Variants in MYO1B observed in about 807,000 individuals in gnomAD.
The protein encoded by MYO1B is myosin IB, also known as unconventional myosin-Ib.
In MYO1B, 72 loss-of-function variants were observed where a neutral mutation model predicts 159.7. The observed-to-expected ratio is 0.45, with a 90% CI of 0.37 to 0.55. The LOEUF is 0.55. MYO1B is among the 20% of genes least tolerant of loss of function. The pLI, the probability that MYO1B is intolerant of heterozygous loss-of-function variation, is 0.00. For synonymous variants in MYO1B, 468 were observed against 473.8 expected (o/e 0.99, Z 0.16); for missense variants, 1,062 against 1,364.8 (o/e 0.78, Z 3.50).
intron 3 of MYO1B, among the ~76,000 whole-genome samples, chr2:191,317,053 G>C (rs1332529702): frequency 1.3e-5 from 2 of 152,158 alleles, no homozygotes; most frequent in Non-Finnish European, 2.9e-5. Flanking sequence ...GGACGTATTT[G>C]ATTTGCGGAG....
In MYO1B at chr2:191,423,954, C is replaced by T. The variant is rs747405895; in HGVS notation, c.3405C>T (p.Val1135=). The part of the protein sequence containing the change: ...RKNNRLLEVA[V]P ...ACAACCGTCTCCTTGAAGTTGCTGT[C>T]CCTTAACTGGCGCCTCCTCTCTACT... The change falls in exon 31 of 31, where the codon GTC becomes GTT. Residue 1135 remains valine (V), a synonymous_variant. Transcript: ENST00000392318. 6.2e-7 allele frequency: 1 copy of T among 1,613,046 alleles called. No individual in the cohort carries two copies.
chr2:191,283,619 A>G (rs933695651), intron 2 of MYO1B, among the ~76,000 whole-genome samples: 26 of 152,232 alleles, frequency 1.7e-4, no homozygotes, highest in Non-Finnish European at 8.8e-5. Flanking sequence ...TTCATTTTAC[A>G]TATGAAGAAA....
intron 19 of MYO1B, among the ~76,000 whole-genome samples, 160 bp downstream of exon 19, chr2:191,392,361 AG>A (rs2126104980): frequency 6.6e-6 from 1 of 152,338 alleles, no homozygotes. Flanking sequence ...GGGACAGATA[AG>A]GGTAAGGGGC....
chr2:191,291,834 T>C (rs908988403), intron 2 of MYO1B, among the ~76,000 whole-genome samples: 1 of 152,234 alleles, frequency 6.6e-6, no homozygotes, highest in African/African-American at 2.4e-5. Context: ...GAAAAGGAGA[T>C]TTAATCTGGT....
At chr2:191,382,954 G>A (rs947461100) in intron 14 of MYO1B, among the ~76,000 whole-genome samples, 3 of 152,170 alleles carry the variant, frequency 2.0e-5, no homozygotes, top group Admixed American at 6.5e-5. Context: ...CATACACAAC[G>A]TAATATTGAC....
chr2:191,374,949 A>G (rs946547136), intron 13 of MYO1B, among the ~76,000 whole-genome samples: 2 of 152,260 alleles, frequency 1.3e-5, no homozygotes, highest in Non-Finnish European at 1.5e-5. Flanking sequence ...AAGTTGAACA[A>G]TCTACATTGA....
At position 191,341,390 on chromosome 2, in the gene MYO1B, A is replaced by G. The variant is rs560204563; in HGVS notation, c.347-71A>G. 432 of 1,323,696 alleles carry G rather than the reference A, an allele frequency of 3.3e-4. 1 individual carries two copies. The highest frequency in any genetic ancestry group is 1.3e-4 in the Non-Finnish European group (119 of 932,728). 82.0% of individuals were successfully genotyped at this position (1,323,696 alleles called of 1,614,324 possible). ...ATGCCGTTAGTGGGTCTTCTCCCAC[A>G]TTTCCTCCTCCCCAAAAAGATTTTT... On this transcript the variant is annotated intron_variant, in intron 4 of 30. Coordinates refer to ENST00000392318, the MANE Select transcript of MYO1B (RefSeq NM_001130158.3).
At chr2:191,367,408 C>T (rs1339360548) in intron 11 of MYO1B, among the ~76,000 whole-genome samples, 1 of 152,126 alleles carries the variant, frequency 6.6e-6, no homozygotes, top group Non-Finnish European at 1.5e-5. Flanking sequence ...ATTTGAGTGC[C>T]TTTAGCCTGG....
At position 191,383,287 on chromosome 2, in the gene MYO1B, A is replaced by C; in HGVS notation, c.1298A>C (p.Glu433Ala). The C allele has an allele frequency of 6.3e-7, 1 of 1,576,012 alleles. No individual in the cohort carries two copies. The highest frequency in any genetic ancestry group is 8.6e-7 in the Non-Finnish European group (1 of 1,162,544). Residue 433 changes from glutamate to alanine, a missense_variant, in exon 15 of 31, where the codon GAA (glutamate) becomes GCA (alanine). Glu to Ala is a moderately radical substitution (Grantham distance 107, BLOSUM62 -1). Transcript: ENST00000392318. ...EQEEYIREDI[E>A]WTHIDYFNNA... Reference sequence around the variant, plus strand: ...TTCTGTTTTGTCTTTTAGGATATAGAATGGACTCACATTGACTACTTCAAT... The same window carrying C: ...TTCTGTTTTGTCTTTTAGGATATAGCATGGACTCACATTGACTACTTCAAT...
chr2:191,277,314 G>A (rs1687813470), intron 2 of MYO1B, among the ~76,000 whole-genome samples: 1 of 152,186 alleles, frequency 6.6e-6, no homozygotes, highest in Admixed American at 6.5e-5. Flanking sequence ...AATTTAGAAG[G>A]AATTTTGAAA....
At chr2:191,262,968 ATTATACTGG>A (rs1686914987) in intron 1 of MYO1B, 1 of 152,130 alleles carries the variant, frequency 6.6e-6, no homozygotes, top group Non-Finnish European at 1.5e-5. Flanking sequence ...ATATGAACAT[ATTATACTGG>A]TTATCTTACT....
At chr2:191,300,497 C>G (rs568292427) in intron 3 of MYO1B, among the ~76,000 whole-genome samples, 2 of 151,966 alleles carry the variant, frequency 1.3e-5, no homozygotes, top group Non-Finnish European at 1.5e-5. Flanking sequence ...GTGCCCGCCA[C>G]GACGTCTGGC....
intron 16 of MYO1B, 57 bp from the exon 17 acceptor site, chr2:191,387,167 T>C: frequency 1.3e-6 from 2 of 1,511,004 alleles, no homozygotes; most frequent in Non-Finnish European, 1.8e-6. Flanking sequence ...TTTTAATAGT[T>C]GTTTGACATT....
intron 6 of MYO1B, 27 bp from the exon 7 acceptor site, chr2:191,350,134 GA>G: frequency 6.2e-7 from 1 of 1,601,086 alleles, no homozygotes; most frequent in Non-Finnish European, 8.6e-7. Flanking sequence ...AGATGAACTA[GA>G]AAACTCACAA....
chr2:191,384,851 A>G (rs1029634013), intron 15 of MYO1B, among the ~76,000 whole-genome samples: 18 of 152,214 alleles, frequency 1.2e-4, no homozygotes, highest in African/African-American at 3.4e-4. Flanking sequence ...TCACATAGGA[A>G]CCTGGGTATA....
chr2:191,416,479 A>G, intron 30 of MYO1B: 1 of 499,402 alleles, frequency 2.0e-6, no homozygotes, highest in Non-Finnish European at 3.5e-6. Flanking sequence ...AGTTGATAAG[A>G]TTTTGGCTAA....
At chr2:191,287,986 G>A (rs1035796855) in intron 2 of MYO1B, among the ~76,000 whole-genome samples, 1 of 151,892 alleles carries the variant, frequency 6.6e-6, no homozygotes, top group Non-Finnish European at 1.5e-5. Context: ...TGCTTGGGTA[G>A]GCCTTTGTGC....
chr2:191,279,782 T>C (rs2125753536), intron 2 of MYO1B, among the ~76,000 whole-genome samples: 1 of 152,306 alleles, frequency 6.6e-6, no homozygotes, highest in South Asian at 2.1e-4. Context: ...AAAACATCTT[T>C]TAAGGTCTTA....
chr2:191,287,912 G>C (rs2125784229), intron 2 of MYO1B, among the ~76,000 whole-genome samples: 2 of 148,482 alleles, frequency 1.3e-5, no homozygotes, highest in Middle Eastern at 3.4e-3. Context: ...TTTTATTCCA[G>C]TCGTAACTAC....
Sources: gnomAD v4.1 joint callset for allele counts (sites outside exome capture counted in the v4.1 genomes callset) on GRCh38, gnomAD v4.1.1 for gene constraint, MANE v1.5 for transcripts, NCBI Gene and HGNC (gene_info 2026-07-23, HGNC 2026-07-21) for gene names.